TAFA2: variants seen among roughly 807,000 people sequenced by gnomAD.
TAFA2 encodes the protein TAFA chemokine like family member 2, also known as chemokine-like protein TAFA-2.
Under a neutral mutation model 18.8 loss-of-function variants are expected in TAFA2, and 7 were observed. The ratio of observed to expected loss-of-function variants is 0.37; its 90% CI spans 0.21 to 0.70. The LOEUF (loss-of-function observed/expected upper bound fraction) is 0.70. Among genes scored for constraint, TAFA2 ranks in the 30% least tolerant of loss-of-function variants. The pLI, the probability that TAFA2 is intolerant of heterozygous loss-of-function variation, is 0.53. For synonymous variants in TAFA2, 60 were observed against 54.2 expected (o/e 1.11, Z -0.47); for missense variants, 122 against 158.1 (o/e 0.77, Z 1.23).
At chr12:62,102,136 T>C (rs1394811864) in intron 1 of TAFA2, among the ~76,000 whole-genome samples, 1 of 152,236 alleles carries the variant, frequency 6.6e-6, no homozygotes, top group African/African-American at 2.4e-5. Flanking sequence ...ATTTTCTTCC[T>C]GCTTTCATTA....
chr12:62,159,697 A>C (rs1373160751), intron 1 of TAFA2, among the ~76,000 whole-genome samples: 3 of 151,904 alleles, frequency 2.0e-5, no homozygotes, highest in African/African-American at 7.3e-5. Flanking sequence ...AGTGGACTTT[A>C]GGGACTTGGG....
intron 2 of TAFA2, among the ~76,000 whole-genome samples, chr12:61,792,919 C>T (rs1871043064): frequency 1.3e-5 from 2 of 151,516 alleles, no homozygotes; most frequent in East Asian, 1.9e-4. Flanking sequence ...ATAAGCTTGA[C>T]CTAATTGAAA....
At chr12:62,072,623 A>G (rs1197080066) in intron 1 of TAFA2, among the ~76,000 whole-genome samples, 1 of 152,028 alleles carries the variant, frequency 6.6e-6, no homozygotes, top group Non-Finnish European at 1.5e-5. Context: ...TCTACAAAAA[A>G]TACAAAAAAT....
intron 1 of TAFA2, among the ~76,000 whole-genome samples, chr12:62,099,113 T>C (rs1869075236): frequency 6.6e-6 from 1 of 152,184 alleles, no homozygotes; most frequent in African/African-American, 2.4e-5. Flanking sequence ...AAGAGACTTG[T>C]AATTTCATTT....
At chr12:62,056,195 G>A (rs751608918) in intron 1 of TAFA2, among the ~76,000 whole-genome samples, 4 of 152,044 alleles carry the variant, frequency 2.6e-5, no homozygotes, top group Non-Finnish European at 5.9e-5. Flanking sequence ...TATGAGGGGG[G>A]TGGTGAATAT....
intron 1 of TAFA2, among the ~76,000 whole-genome samples, chr12:61,983,309 A>C (rs1352416730): frequency 1.3e-5 from 2 of 152,184 alleles, no homozygotes; most frequent in African/African-American, 4.8e-5. Context: ...AGAATGAAAC[A>C]CTTTCTACTA....
At chr12:61,732,993 A>C (rs1325597327) in intron 4 of TAFA2, among the ~76,000 whole-genome samples, 5 of 152,122 alleles carry the variant, frequency 3.3e-5, no homozygotes, top group East Asian at 1.9e-4. Flanking sequence ...GGGTTAATGA[A>C]ATCCAAGAGA....
intron 1 of TAFA2, among the ~76,000 whole-genome samples, chr12:61,999,744 G>A (rs75483527): frequency 0.016 from 2,412 of 152,244 alleles, 68 homozygotes; most frequent in African/African-American, 0.054. Context: ...ACAGTGTCTG[G>A]CACAAATTAT....
chr12:61,748,136 G>A (rs760031039), intron 4 of TAFA2, among the ~76,000 whole-genome samples: 3 of 151,872 alleles, frequency 2.0e-5, no homozygotes, highest in Non-Finnish European at 4.4e-5. Flanking sequence ...CAGAAGGAAG[G>A]AAAGGAGGAA....
intron 1 of TAFA2, among the ~76,000 whole-genome samples, chr12:61,970,718 G>C (rs967384963): frequency 6.6e-6 from 1 of 150,768 alleles, no homozygotes; most frequent in Non-Finnish European, 1.5e-5. Context: ...AATAATCACC[G>C]AGAAGTAGTT....
intron 1 of TAFA2, among the ~76,000 whole-genome samples, chr12:62,008,805 C>G (rs1016814492): frequency 6.6e-6 from 1 of 152,120 alleles, no homozygotes; most frequent in African/African-American, 2.4e-5. Flanking sequence ...CTGACACTAT[C>G]CATTTTATTG....
rs942913075 is a variant in TAFA2 at position 62,043,500 on chromosome 12, T to G, written c.-2+147759A>C. On this transcript the variant is annotated intron_variant, in intron 1 of 4. Transcript: ENST00000416284. ...AGGGGGGAGGGATAGCATTAGGAGA[T>G]ACACCTAATGTTAAATGGCGAGTTA... is the stretch of plus-strand genomic sequence containing the variant. Among the ~76,000 whole-genome samples the G allele has an allele frequency of 2.6e-5, 4 of 152,066 alleles. No individual in the cohort carries two copies. In the South Asian group the frequency reaches 8.3e-4, roughly 32 times the overall value.
chr12:61,715,326 T>C (rs1179012568), intron 4 of TAFA2, among the ~76,000 whole-genome samples: 1 of 152,014 alleles, frequency 6.6e-6, no homozygotes, highest in African/African-American at 2.4e-5. Flanking sequence ...ATCCCAATGC[T>C]TTAATTAATC....
chr12:62,221,106 A>C (rs889348569), intron 1 of TAFA2, among the ~76,000 whole-genome samples: 6 of 151,244 alleles, frequency 4.0e-5, no homozygotes, highest in African/African-American at 1.5e-4. Flanking sequence ...TCCGTCTAAA[A>C]AAAAACAAAA....
At chr12:62,130,150 T>C (rs922676676) in intron 1 of TAFA2, among the ~76,000 whole-genome samples, 3 of 151,930 alleles carry the variant, frequency 2.0e-5, no homozygotes, top group Non-Finnish European at 4.4e-5. Flanking sequence ...CTCTGGTAAA[T>C]TGCTTTCATC....
intron 2 of TAFA2, among the ~76,000 whole-genome samples, chr12:61,830,433 C>A (rs1398471037): frequency 6.6e-6 from 1 of 151,378 alleles, no homozygotes; most frequent in Admixed American, 6.6e-5. Context: ...AGAATAAAAT[C>A]ATGTCTTTTG....
chr12:61,739,700 G>A (rs948604595), intron 4 of TAFA2, among the ~76,000 whole-genome samples: 9 of 152,146 alleles, frequency 5.9e-5, no homozygotes, highest in African/African-American at 2.2e-4. Flanking sequence ...TCTGGAGGCA[G>A]AGTGCTCTCA....
chr12:61,986,499 A>G (rs1879824144), intron 1 of TAFA2, among the ~76,000 whole-genome samples: 1 of 151,992 alleles, frequency 6.6e-6, no homozygotes, highest in Admixed American at 6.6e-5. Context: ...GGATTTCGCT[A>G]TGTTGGCCAG....
Position 61,815,463 on chromosome 12 carries a change from G to A in TAFA2, c.106+51857C>T, listed in dbSNP as rs769086967. Among the ~76,000 whole-genome samples the A allele has an allele frequency of 3.3e-5, 5 of 151,002 alleles. 1 individual carries two copies. Among genetic ancestry groups the A allele is most frequent in the Non-Finnish European group, 2.9e-5 (2 of 67,982 alleles). Reference sequence around the variant, plus strand: ...GGGCGGATCACGAGGTCAGGTGATCGAGACCATCCTGTGAATGGTGAAACC... The same window carrying A: ...GGGCGGATCACGAGGTCAGGTGATCAAGACCATCCTGTGAATGGTGAAACC... On this transcript the variant is annotated intron_variant, in intron 2 of 4. Transcript: ENST00000416284.
Sources: allele counts gnomAD v4.1 joint callset (sites outside exome capture counted in the v4.1 genomes callset), GRCh38; gene constraint gnomAD v4.1.1; transcripts MANE v1.5; gene names NCBI Gene and HGNC (gene_info 2026-07-23, HGNC 2026-07-21).